TASP1: variants seen among roughly 807,000 people sequenced by gnomAD.
TASP1 encodes taspase 1, also known as threonine aspartase 1.
TASP1 carries 16 observed loss-of-function variants against 56.6 expected under a neutral mutation model. The ratio of observed to expected loss-of-function variants is 0.28; its 90% CI spans 0.19 to 0.43. TASP1 has a LOEUF of 0.43. Among genes scored for constraint, TASP1 ranks in the 20% least tolerant of loss-of-function variants. The probability of loss-of-function intolerance (pLI) is 1.00; values close to 1 mark genes in which losing one functional copy is unlikely to be tolerated. For missense variants in TASP1, 393 were observed against 511.6 expected (o/e 0.77, Z 2.24); for synonymous variants, 179 against 184.2 (o/e 0.97, Z 0.23).
At chr20:13,371,327 C>T in the TASP1 span, among the ~76,000 whole-genome samples, 3 of 152,134 alleles carry the variant, frequency 2.0e-5, no homozygotes, top group Admixed American at 6.6e-5. Context: ...CTGCTTTCAC[C>T]GCATCCCCTA....
the TASP1 span, among the ~76,000 whole-genome samples, chr20:13,204,997 G>T: frequency 3.3e-5 from 5 of 152,046 alleles, no homozygotes; most frequent in Non-Finnish European, 7.4e-5. Context: ...AGGACCTTGT[G>T]GGGTACCTAT....
the TASP1 span, among the ~76,000 whole-genome samples, chr20:13,293,513 T>TC: frequency 1.3e-5 from 2 of 152,136 alleles, no homozygotes; most frequent in African/African-American, 4.8e-5. Context: ...CTTTTTTTTT[T>TC]TCATAGCCCT....
chr20:13,145,212 C>A, the TASP1 span, among the ~76,000 whole-genome samples: 3 of 152,258 alleles, frequency 2.0e-5, no homozygotes, highest in South Asian at 4.1e-4. Context: ...TCTCTGCAGA[C>A]AACATGATTA....
At chr20:13,270,821 C>G in the TASP1 span, 1 of 1,374,858 alleles carries the variant, frequency 7.3e-7, no homozygotes. Context: ...GTGGAAACTG[C>G]TGCCTTACCT....
intron 7 of TASP1, among the ~76,000 whole-genome samples, chr20:13,565,654 C>T (rs182160755): frequency 1.3e-5 from 2 of 152,178 alleles, no homozygotes; most frequent in African/African-American, 2.4e-5. Flanking sequence ...CAACTCACAG[C>T]CATTAGGATG....
At chr20:13,250,910 C>T in the TASP1 span, among the ~76,000 whole-genome samples, 1 of 152,194 alleles carries the variant, frequency 6.6e-6, no homozygotes, top group Non-Finnish European at 1.5e-5. Context: ...CCTTTGCCCC[C>T]ATCTATTTTA....
chr20:13,580,954 T>C lies in TASP1; in HGVS notation c.431A>G (p.Asn144Ser), dbSNP rs199501456. The C allele has an allele frequency of 6.8e-5, 109 of 1,611,776 alleles. No homozygotes were observed. Among genetic ancestry groups the C allele is most frequent in the Non-Finnish European group, 8.6e-5 (101 of 1,179,238 alleles). Residue 144 changes from asparagine to serine, a missense_variant, in exon 6 of 14, where the codon AAC becomes AGC. Coordinates refer to ENST00000337743, the MANE Select transcript of TASP1 (RefSeq NM_017714.3). ...SGIKNPVSVA[N>S]RLLCEGQKGK... is the part of the protein sequence containing the mutation. ...CTTCTGCCCTTCACATAAGAGTCTG[T>C]TGGCAACCGAGACTGGGTTCTTGAT... is the stretch of plus-strand genomic sequence containing the variant.
chr20:13,292,792 T>C, the TASP1 span, among the ~76,000 whole-genome samples: 1 of 152,170 alleles, frequency 6.6e-6, no homozygotes, highest in East Asian at 1.9e-4. Flanking sequence ...TCAGCCTTCA[T>C]TGAGCGTCCT....
At chr20:13,245,115 T>G in the TASP1 span, 1 of 152,190 alleles carries the variant, frequency 6.6e-6, no homozygotes, top group African/African-American at 2.4e-5. Flanking sequence ...CTTCCTTCCT[T>G]CTTGTATTGG....
At chr20:13,530,197 C>A (rs537794826) in intron 9 of TASP1, among the ~76,000 whole-genome samples, 2 of 152,156 alleles carry the variant, frequency 1.3e-5, no homozygotes. Flanking sequence ...TAACCAGAGA[C>A]GGAAGTCTCC....
the TASP1 span, among the ~76,000 whole-genome samples, chr20:13,198,383 A>T: frequency 1.3e-5 from 2 of 152,122 alleles, no homozygotes; most frequent in African/African-American, 4.8e-5. Context: ...TAGGGAAAAG[A>T]GCAAGGGAGT....
At chr20:13,321,685 T>A in the TASP1 span, among the ~76,000 whole-genome samples, 8 of 152,248 alleles carry the variant, frequency 5.3e-5, no homozygotes, top group Non-Finnish European at 1.2e-4. Flanking sequence ...GTGAAGCTGA[T>A]GAATGACTGC....
the TASP1 span, among the ~76,000 whole-genome samples, chr20:13,158,720 C>G: frequency 6.6e-6 from 1 of 152,164 alleles, no homozygotes; most frequent in Admixed American, 6.5e-5. Context: ...TTGCCTCGCC[C>G]AAGCCAGGGA....
intron 11 of TASP1, among the ~76,000 whole-genome samples, chr20:13,450,160 A>C (rs1415005122): frequency 2.6e-5 from 4 of 152,102 alleles, no homozygotes; most frequent in African/African-American, 9.7e-5. Context: ...AATGTAAATA[A>C]CTTAATTTAA....
rs202006130 is a variant in TASP1 at position 13,438,292 on chromosome 20, G to A, written c.986-3138C>T. The stretch of plus-strand genomic sequence containing the variant: ...ACAGTAATCAAAACAGCATGGTACT[G>A]GTACCAAAACAGAGATATAGACCAA... On this transcript the variant is annotated intron_variant, in intron 11 of 13. Coordinates refer to ENST00000337743, the MANE Select transcript of TASP1 (RefSeq NM_017714.3). Among the ~76,000 whole-genome samples the A allele has an allele frequency of 2.0e-5, 3 of 152,230 alleles. No individual in the cohort carries two copies. The South Asian group carries it at 6.2e-4, about 32-fold the overall frequency.
chr20:13,241,183 G>C, the TASP1 span, among the ~76,000 whole-genome samples: 1 of 152,134 alleles, frequency 6.6e-6, no homozygotes, highest in East Asian at 1.9e-4. Flanking sequence ...GTCACCAACT[G>C]CTCTGCAGTT....
chr20:13,583,167 G>A (rs547913699), intron 5 of TASP1, among the ~76,000 whole-genome samples: 2 of 152,290 alleles, frequency 1.3e-5, no homozygotes, highest in Admixed American at 6.5e-5. Context: ...TGTTCCACGG[G>A]GTGCCTGCGT....
chr20:13,538,663 G>C (rs1170751647), intron 8 of TASP1, among the ~76,000 whole-genome samples: 1 of 152,154 alleles, frequency 6.6e-6, no homozygotes, highest in Non-Finnish European at 1.5e-5. Context: ...AGGACATCTA[G>C]ACCTAGCTCT....
chr20:13,432,105 T>C (rs1243466255), intron 12 of TASP1, among the ~76,000 whole-genome samples: 1 of 152,202 alleles, frequency 6.6e-6, no homozygotes, highest in Non-Finnish European at 1.5e-5. Flanking sequence ...ACTTATATAG[T>C]TGAAGTGGTG....
Sources: gnomAD v4.1 joint callset for allele counts (sites outside exome capture counted in the v4.1 genomes callset) on GRCh38, gnomAD v4.1.1 for gene constraint, MANE v1.5 for transcripts, NCBI Gene and HGNC (gene_info 2026-07-23, HGNC 2026-07-21) for gene names.